Variants in ACTR3C observed in about 807,000 individuals in gnomAD.
The protein encoded by ACTR3C is actin-related protein 3C.
A neutral mutation model predicts 26.3 loss-of-function variants in ACTR3C; 18 were observed. That is an observed-to-expected ratio of 0.68 (90% CI 0.47 to 1.01). ACTR3C has a LOEUF of 1.01. Among genes scored for constraint, ACTR3C ranks in the 50% least tolerant of loss-of-function variants. The probability of loss-of-function intolerance (pLI) is 0.00; values close to 1 mark genes in which losing one functional copy is unlikely to be tolerated. For missense variants in ACTR3C, 184 were observed against 250.7 expected (o/e 0.73, Z 1.80); for synonymous variants, 55 against 94.5 (o/e 0.58, Z 2.42).
the ACTR3C span, among the ~76,000 whole-genome samples, chr7:150,144,930 G>A: frequency 6.6e-6 from 1 of 151,798 alleles, no homozygotes; most frequent in Admixed American, 6.6e-5. The surrounding 1 kb of genome is among the most constrained non-coding windows in gnomAD (Gnocchi z 4.6). Context: ...TGCTCCTGTA[G>A]TCCCAGCTAC....
chr7:149,987,964 T>C, the ACTR3C span, among the ~76,000 whole-genome samples: 3 of 152,356 alleles, frequency 2.0e-5, no homozygotes, highest in Admixed American at 2.0e-4. Context: ...GAATACAATT[T>C]TCTAATCTCA....
At chr7:150,162,987 A>G in the ACTR3C span, among the ~76,000 whole-genome samples, 1 of 152,024 alleles carries the variant, frequency 6.6e-6, no homozygotes, top group Non-Finnish European at 1.5e-5. Context: ...CCTCATCTCT[A>G]CTAAAAATAC....
At chr7:150,262,373 G>A (rs1444006445) in intron 6 of ACTR3C, among the ~76,000 whole-genome samples, 1 of 152,268 alleles carries the variant, frequency 6.6e-6, no homozygotes, top group Admixed American at 6.5e-5. Flanking sequence ...ACTCAGTAAT[G>A]GATGTTAGGG....
chr7:150,039,782 G>A, the ACTR3C span, among the ~76,000 whole-genome samples: 756 of 135,670 alleles, frequency 5.6e-3, 7 homozygotes, highest in African/African-American at 0.019. Flanking sequence ...GAGCCAGGGG[G>A]GGAAGAGGGA....
the ACTR3C span, among the ~76,000 whole-genome samples, chr7:150,084,195 T>C: frequency 2.6e-5 from 4 of 151,974 alleles, no homozygotes; most frequent in African/African-American, 9.7e-5. Context: ...AATTCTTTAT[T>C]GAGATGTTTT....
the ACTR3C span, among the ~76,000 whole-genome samples, chr7:150,035,199 C>T: frequency 6.3e-4 from 77 of 121,716 alleles, 1 homozygote; most frequent in South Asian, 1.0e-3. Flanking sequence ...GTCCCCGCCT[C>T]ACGGGGGGTG....
chr7:150,292,743 C>A (rs1836374482), intron 3 of ACTR3C, among the ~76,000 whole-genome samples: 1 of 152,150 alleles, frequency 6.6e-6, no homozygotes, highest in South Asian at 2.1e-4. Context: ...GTGATCCGCC[C>A]GCCTTGGCCT....
At chr7:150,091,710 C>T in the ACTR3C span, among the ~76,000 whole-genome samples, 10 of 143,000 alleles carry the variant, frequency 7.0e-5, no homozygotes, top group Non-Finnish European at 1.2e-4. Context: ...TGGCCGGGCG[C>T]GGTGGCTCAC....
chr7:150,091,851 G>C, the ACTR3C span, among the ~76,000 whole-genome samples: 4 of 150,776 alleles, frequency 2.7e-5, no homozygotes, highest in African/African-American at 9.7e-5. Flanking sequence ...AGCCGGGCGT[G>C]GTGGCGGGCG....
the ACTR3C span, among the ~76,000 whole-genome samples, chr7:150,221,802 G>A: frequency 6.6e-6 from 1 of 151,996 alleles, no homozygotes; most frequent in South Asian, 2.1e-4. Flanking sequence ...AGACCATCCT[G>A]GCTAACACAG....
At chr7:150,067,849 G>A in the ACTR3C span, among the ~76,000 whole-genome samples, 1 of 151,116 alleles carries the variant, frequency 6.6e-6, no homozygotes, top group East Asian at 2.0e-4. Context: ...ATTTTAAAGA[G>A]AGAGGGGATT....
the ACTR3C span, among the ~76,000 whole-genome samples, chr7:150,058,809 C>T: frequency 2.6e-5 from 4 of 151,816 alleles, no homozygotes; most frequent in Admixed American, 1.3e-4. Context: ...TAGCTACTCG[C>T]GAGGCTGAGG....
the ACTR3C span, among the ~76,000 whole-genome samples, chr7:149,997,948 C>T: frequency 7.3e-5 from 11 of 150,322 alleles, no homozygotes; most frequent in Non-Finnish European, 1.2e-4. Context: ...TGGACATTTA[C>T]TAGTGCAAGT....
chr7:150,042,301 A>AG, the ACTR3C span, among the ~76,000 whole-genome samples: 10 of 40,898 alleles, frequency 2.4e-4, no homozygotes, highest in Non-Finnish European at 3.2e-4. Context: ...CCCCAGAGCC[A>AG]GGGGGGGAAG....
At chr7:149,988,226 G>A in the ACTR3C span, among the ~76,000 whole-genome samples, 4 of 152,194 alleles carry the variant, frequency 2.6e-5, no homozygotes, top group Admixed American at 1.3e-4. Context: ...TTAGCTGGAC[G>A]CTCTGCAGCC....
At chr7:150,262,313 A>G (rs1260312699) in intron 6 of ACTR3C, among the ~76,000 whole-genome samples, 4 of 152,230 alleles carry the variant, frequency 2.6e-5, no homozygotes, top group African/African-American at 9.6e-5. Flanking sequence ...AGTACACTTG[A>G]ACAAATGAAC....
the ACTR3C span, among the ~76,000 whole-genome samples, chr7:150,108,711 A>G: frequency 1.3e-3 from 199 of 150,814 alleles, 1 homozygote; most frequent in African/African-American, 4.7e-3. Flanking sequence ...GGCCCTTGCC[A>G]GATGCCAGCA....
the ACTR3C span, among the ~76,000 whole-genome samples, chr7:150,110,342 G>A: frequency 1.3e-5 from 2 of 151,136 alleles, no homozygotes; most frequent in East Asian, 3.9e-4. Flanking sequence ...GGATGTCTCG[G>A]AGGCATTGGG....
chr7:150,265,804 G>A (rs1400386100), intron 6 of ACTR3C, among the ~76,000 whole-genome samples: 3 of 151,780 alleles, frequency 2.0e-5, no homozygotes, highest in Admixed American at 6.6e-5. Context: ...TTTATTTATC[G>A]TTTGCATGCA....
Sources: allele counts gnomAD v4.1 joint callset (sites outside exome capture counted in the v4.1 genomes callset), GRCh38; gene constraint gnomAD v4.1.1; non-coding constraint Gnocchi (gnomAD v3.1); transcripts MANE v1.5; gene names NCBI Gene and HGNC (gene_info 2026-07-23, HGNC 2026-07-21).